The following IDS variants were observed in gnomAD, a reference collection of about 807,000 sequenced individuals.
The protein encoded by IDS is iduronate 2-sulfatase, also known as alpha-L-iduronate sulfate sulfatase.
A neutral mutation model predicts 33.5 loss-of-function variants in IDS; 1 was observed. That is an observed-to-expected ratio of 0.03 (90% CI 0.01 to 0.14). The LOEUF (loss-of-function observed/expected upper bound fraction) is 0.14, where lower values mean the gene tolerates loss of function less well. Ranked by LOEUF, IDS falls within the 10% of genes least tolerant of loss-of-function variation. The pLI is 1.00. For synonymous variants in IDS, 191 were observed against 184.4 expected (o/e 1.04, Z -0.29); for missense variants, 328 against 448.0 (o/e 0.73, Z 2.42).
In IDS at chrX:149,505,270, C is replaced by G; in HGVS notation, c.-133G>C. ...AAGACTGCGCAACACAGCCGCCGCC[C>G]GGGCCCGCAGGCCCGGGCGCTGGCC... On this transcript the variant is annotated 5_prime_UTR_variant, in exon 1 of 9. Coordinates refer to ENST00000340855, the MANE Select transcript of IDS (RefSeq NM_000202.8). The G allele has an allele frequency of 8.6e-6, 3 of 348,265 alleles. No homozygotes were observed. The highest frequency in any genetic ancestry group is 1.4e-5 in the Non-Finnish European group (3 of 207,948). 28.7% of individuals were successfully genotyped at this position (348,265 alleles called of 1,213,427 possible). A position where few individuals can be genotyped will look rare whatever the true frequency, so the allele number is the denominator to read the frequency against.
intron 6 of IDS, among the ~76,000 whole-genome samples, chrX:149,493,794 C>T (rs1557338998): frequency 9.0e-6 from 1 of 111,339 alleles, no homozygotes. Context: ...ACATTAAGGA[C>T]TCCAAGACTC....
intron 5 of IDS, among the ~76,000 whole-genome samples, chrX:149,497,220 T>C (rs1279689471): frequency 8.9e-6 from 1 of 112,074 alleles, no homozygotes; most frequent in African/African-American, 3.2e-5. Context: ...ACCATAATGT[T>C]TGTCTAAACG....
intron 8 of IDS, among the ~76,000 whole-genome samples, chrX:149,484,991 G>T (rs781818682): frequency 1.8e-5 from 2 of 111,941 alleles, no homozygotes; most frequent in African/African-American, 3.2e-5. Flanking sequence ...TGACACAATG[G>T]GAGAATACAA....
intron 7 of IDS, among the ~76,000 whole-genome samples, chrX:149,488,622 G>A (rs1324388589): frequency 2.8e-5 from 3 of 108,011 alleles, no homozygotes; most frequent in African/African-American, 1.0e-4. Flanking sequence ...GGGCCCCCAG[G>A]CCTGGCACAG....
intron 6 of IDS, among the ~76,000 whole-genome samples, chrX:149,492,909 A>G (rs1229345717): frequency 9.1e-6 from 1 of 109,892 alleles, no homozygotes; most frequent in Non-Finnish European, 1.9e-5. Context: ...GGTGTTGAGG[A>G]ACCCAAGGGT....
At chrX:149,494,095 G>A (rs1258038961) in intron 6 of IDS, among the ~76,000 whole-genome samples, 1 of 111,781 alleles carries the variant, frequency 8.9e-6, no homozygotes, top group Admixed American at 9.4e-5. Flanking sequence ...CGGGGCATCT[G>A]AGGGCCTCCC....
intron 4 of IDS, chrX:149,499,226 C>T (rs1426663241): frequency 1.8e-5 from 2 of 109,950 alleles, no homozygotes; most frequent in African/African-American, 6.7e-5. Flanking sequence ...TGGTGGTGGG[C>T]ACCTGTAATC....
At chrX:149,490,608 C>T (rs2089382770) in intron 6 of IDS, among the ~76,000 whole-genome samples, 168 bp from the exon 7 acceptor site, 1 of 112,666 alleles carries the variant, frequency 8.9e-6, no homozygotes. Context: ...ATCAGCATCA[C>T]TTCACCCACA....
At position 149,482,684 on chromosome X, in the gene IDS, A is replaced by T. The variant is rs1009125098; in HGVS notation, c.*62T>A. On this transcript the variant is annotated 3_prime_UTR_variant, in exon 9 of 9. Transcript: ENST00000340855. ...GGGTAATCACAAAACGACCAGCTCT[A>T]ACTCCTCCTCTCACCAGCTGGAAGG... 1.7e-6 allele frequency: 2 copies of T among 1,204,639 alleles called. No individual in the cohort carries two copies. The highest frequency in any genetic ancestry group is 2.2e-5 in the Admixed American group (1 of 45,501).
At chrX:149,488,419 C>T (rs1283656290) in intron 7 of IDS, among the ~76,000 whole-genome samples, 1 of 110,238 alleles carries the variant, frequency 9.1e-6, no homozygotes, top group Non-Finnish European at 1.9e-5. Context: ...GGTCAAGGAT[C>T]GAGAAGCCTG....
intron 7 of IDS, among the ~76,000 whole-genome samples, chrX:149,489,122 G>A (rs929880041): frequency 4.5e-5 from 5 of 112,282 alleles, no homozygotes; most frequent in East Asian, 2.8e-4. Flanking sequence ...GAGTGTGTTC[G>A]TGGAGAAGAG....
intron 4 of IDS, chrX:149,499,143 A>G (rs5936298): frequency 0.32 from 34,850 of 110,024 alleles, 4,427 homozygotes; most frequent in Middle Eastern, 0.43. Flanking sequence ...TGCCTGAGGT[A>G]AGGAGTTCGA....
intron 7 of IDS, among the ~76,000 whole-genome samples, chrX:149,488,283 T>C (rs2089357520): frequency 1.0e-5 from 1 of 97,850 alleles, no homozygotes; most frequent in Admixed American, 1.1e-4. Context: ...CTCCACTCTC[T>C]CGGGGAGGAC....
chrX:149,490,476 G>T, intron 6 of IDS, 36 bp from the exon 7 acceptor site: 1 of 1,200,095 alleles, frequency 8.3e-7, no homozygotes, highest in African/African-American at 1.7e-5. Flanking sequence ...GAGAGTGACT[G>T]CAATTTAAAT....
At chrX:149,491,352 C>T (rs1409466267) in intron 6 of IDS, among the ~76,000 whole-genome samples, 1 of 112,465 alleles carries the variant, frequency 8.9e-6, no homozygotes, top group Non-Finnish European at 1.9e-5. Context: ...AAATGAGCCA[C>T]CGGCCCCTCC....
At chrX:149,487,662 C>A (rs1468782834) in intron 7 of IDS, among the ~76,000 whole-genome samples, 1 of 112,603 alleles carries the variant, frequency 8.9e-6, no homozygotes, top group Non-Finnish European at 1.9e-5. Context: ...TAAACCAAAA[C>A]CTCTCATTTC....
rs470715 is a variant in IDS, at chrX:149,488,441, C to A, written c.1007-1343G>T. On this transcript the variant is annotated intron_variant, in intron 7 of 8. Transcript: ENST00000340855. ...GATCGAGAAGCCTGCAGGATGGCAA[C>A]GTGAGGGAACCTGGCAGTGCGACCT... Among the ~76,000 whole-genome samples, 211 of 109,581 alleles carry A rather than the reference C, an allele frequency of 1.9e-3. 2 individuals carry two copies. In the Middle Eastern group the frequency reaches 0.033, roughly 17 times the overall value.
At position 149,484,542 on chromosome X, in the gene IDS, G is replaced by C. The variant is rs781999299; in HGVS notation, c.1181-1324C>G. On this transcript the variant is annotated intron_variant, in intron 8 of 8. Coordinates refer to ENST00000340855, the MANE Select transcript of IDS (RefSeq NM_000202.8). Reference sequence around the variant, plus strand: ...TCTCCTTGTTGGCCAGGATGGTCTTGATCTCCTGACCTCGTGATCCGCCCA... The same window carrying C: ...TCTCCTTGTTGGCCAGGATGGTCTTCATCTCCTGACCTCGTGATCCGCCCA... 4.7e-3 allele frequency among the ~76,000 whole-genome samples: 531 copies of C among 112,580 alleles called. 1 individual carries two copies. Among genetic ancestry groups the C allele is most frequent in the Non-Finnish European group, 6.5e-3 (344 of 53,271 alleles).
chrX:149,484,386 G>A (rs1252806581), intron 8 of IDS, among the ~76,000 whole-genome samples: 1 of 112,085 alleles, frequency 8.9e-6, no homozygotes, highest in Non-Finnish European at 1.9e-5. Context: ...GCGCAATCTC[G>A]GCTCAGCTCA....
Sources: gnomAD v4.1 joint callset for allele counts (sites outside exome capture counted in the v4.1 genomes callset) on GRCh38, gnomAD v4.1.1 for gene constraint, MANE v1.5 for transcripts, NCBI Gene and HGNC (gene_info 2026-07-23, HGNC 2026-07-21) for gene names.